Variants in CPOX observed in about 807,000 individuals in gnomAD.
CPOX encodes coproporphyrinogen oxidase, also known as oxygen-dependent coproporphyrinogen-III oxidase, mitochondrial.
CPOX carries 24 observed loss-of-function variants against 48.9 expected under a neutral mutation model. The observed-to-expected ratio is 0.49, with a 90% confidence interval of 0.36 to 0.69. The LOEUF is 0.69. CPOX is among the 30% of genes least tolerant of loss of function. The pLI is 0.00. For synonymous variants in CPOX, 249 were observed against 234.6 expected (o/e 1.06, Z -0.56); for missense variants, 549 against 597.3 (o/e 0.92, Z 0.84).
chr3:98,584,106 T>C (rs907048536), intron 5 of CPOX, among the ~76,000 whole-genome samples: 3 of 152,252 alleles, frequency 2.0e-5, no homozygotes, highest in African/African-American at 7.2e-5. Flanking sequence ...CTCCTGTCTA[T>C]GAAGTTTTAA....
chr3:98,586,754 C>T (rs1187419613), intron 4 of CPOX, among the ~76,000 whole-genome samples: 2 of 152,094 alleles, frequency 1.3e-5, no homozygotes, highest in South Asian at 2.1e-4. Flanking sequence ...ACCATCCTGG[C>T]TAACACGGTG....
chr3:98,590,375 C>CT (rs1476133601), intron 3 of CPOX: 47 of 478,100 alleles, frequency 9.8e-5, no homozygotes, highest in Middle Eastern at 6.1e-4. Flanking sequence ...TCTCAAACTC[C>CT]TAACCTCAGG....
At chr3:98,575,571 T>G (rs1410852125), downstream of CPOX, among the ~76,000 whole-genome samples, 1 of 146,900 alleles carries the variant, frequency 6.8e-6, no homozygotes, top group Non-Finnish European at 1.5e-5. Flanking sequence ...GGCAGGTGGA[T>G]TACCTGAGGC....
chr3:98,591,206 T>C, intron 1 of CPOX, 51 bp from the exon 2 acceptor site: 5 of 1,594,824 alleles, frequency 3.1e-6, no homozygotes, highest in Non-Finnish European at 4.3e-6. Context: ...TGTGCAAAAC[T>C]GAAAGCAACA....
Position 98,585,593 on chromosome 3 carries a change from A to C in CPOX, c.1020T>G (p.Asp340Glu). The C allele has an allele frequency of 6.2e-7, 1 of 1,614,146 alleles. No homozygotes were observed. The highest frequency in any genetic ancestry group is 8.5e-7 in the Non-Finnish European group (1 of 1,180,024). The change falls in exon 5 of 7, where the codon GAT becomes GAG. Residue 340 changes from aspartate (D) to glutamate (E), a missense_variant. Around this residue, in one of 2 missense-constraint regions of CPOX, gnomAD observed 213 missense variants for 279.1 expected, o/e 0.76. Coordinates refer to ENST00000647941, the MANE Select transcript of CPOX (RefSeq NM_000097.7). The stretch of plus-strand genomic sequence containing the variant: ...CCTCCTTGGACGGAGAGTCAAGATC[A>C]TCAAAAAAGATACCACCAATGCCCC... ...ERRGIGGIFF[D>E]DLDSPSKEEV...
downstream of CPOX, chr3:98,578,332 T>A: frequency 2.0e-6 from 1 of 490,836 alleles, no homozygotes; most frequent in Non-Finnish European, 2.6e-6. Context: ...TAAACACAAC[T>A]AAATAGGCTA....
chr3:98,591,155 C>T lies in CPOX; in HGVS notation c.557G>A (p.Gly186Glu). The T allele has an allele frequency of 1.2e-6, 2 of 1,614,090 alleles. No homozygotes were observed. The highest frequency in any genetic ancestry group is 1.7e-6 in the Non-Finnish European group (2 of 1,180,004). Residue 186 changes from glycine to glutamate, a missense_variant and splice_region_variant, in exon 2 of 7, where the codon GGA becomes GAA. Around this residue, in one of 2 missense-constraint regions of CPOX, gnomAD observed 336 missense variants for 318.1 expected, o/e 1.06. Transcript: ENST00000647941. The stretch of plus-strand genomic sequence containing the variant: ...AAGTACACAGCTGATGCCGCCACCT[C>T]CTGTGTATAGAAATGTAAAAAAGGA... ...FSVDRWERKE[G>E]GGGISCVLQD...
At position 98,593,141 on chromosome 3, in the gene CPOX, C is replaced by T. The variant is rs747379089; in HGVS notation, c.364G>A (p.Glu122Lys). 62 of 1,612,940 alleles carry T rather than the reference C, an allele frequency of 3.8e-5. No homozygotes were observed. In the South Asian group the frequency reaches 6.7e-4, roughly 17 times the overall value. Residue 122 changes from glutamate to lysine, a missense_variant, in exon 1 of 7, where the codon GAG becomes AAG. Physicochemically the swap from Glu to Lys is moderately conservative, Grantham distance 56. Coordinates refer to ENST00000647941, the MANE Select transcript of CPOX (RefSeq NM_000097.7). ...AAGCTGCTGCAGCGGTGGGCCAGCTCATCCTCCTCCTCCTCCGGCCTCCCC... is the reference window on the plus strand; with the variant it reads ...AAGCTGCTGCAGCGGTGGGCCAGCTTATCCTCCTCCTCCTCCGGCCTCCCC... ...SLGRPEEEED[E>K]LAHRCSSFMA...
At chr3:98,578,673 C>A (rs1707196270), downstream of CPOX, among the ~76,000 whole-genome samples, 1 of 152,154 alleles carries the variant, frequency 6.6e-6, no homozygotes, top group Admixed American at 6.5e-5. Flanking sequence ...TCTAGGTTTT[C>A]CTATAATGTA....
rs1158006243 is a variant in CPOX, at chr3:98,593,043, C to T, written c.462G>A (p.Leu154=). Residue 154 remains leucine (L), a synonymous_variant, in exon 1 of 7, where the codon CTG becomes CTA. Coordinates refer to ENST00000647941, the MANE Select transcript of CPOX (RefSeq NM_000097.7). ...RPGDMKTKME[L]LILETQAQVC... ...CCTGGGCCTGGGTCTCCAGAATCAG[C>T]AGCTCCATCTTGGTCTTCATGTCGC... The T allele has an allele frequency of 1.2e-6, 2 of 1,614,028 alleles. No individual in the cohort carries two copies. The highest frequency in any genetic ancestry group is 3.3e-4 in the Middle Eastern group (2 of 6,062).
chr3:98,571,715 GA>G, the CPOX span, among the ~76,000 whole-genome samples: 2 of 150,298 alleles, frequency 1.3e-5, no homozygotes, highest in Non-Finnish European at 3.0e-5. Flanking sequence ...AGAAAAAAAA[GA>G]AAACGCTGTA....
chr3:98,579,555 G>A lies in CPOX; in HGVS notation c.*1128C>T, dbSNP rs531771288. 20 of 985,308 alleles carry A rather than the reference G, an allele frequency of 2.0e-5. No homozygotes were observed. Among genetic ancestry groups the A allele is most frequent in the Middle Eastern group, 5.2e-4 (1 of 1,914 alleles). 61.0% of individuals were successfully genotyped at this position (985,308 alleles called of 1,614,324 possible). On this transcript the variant is annotated 3_prime_UTR_variant, in exon 7 of 7. Coordinates refer to ENST00000647941, the MANE Select transcript of CPOX (RefSeq NM_000097.7). ...CCACACAGAATCACAAACATTCAAC[G>A]TGTTCCACGATAATGATATGTATGA...
chr3:98,580,506 C>T lies in CPOX; in HGVS notation c.*177G>A. The T allele has an allele frequency of 6.9e-7, 1 of 1,449,664 alleles. No homozygotes were observed. Among genetic ancestry groups the T allele is most frequent in the South Asian group, 1.4e-5 (1 of 71,734 alleles). The allele number at this position is 1,449,664 out of a possible 1,614,324, so 89.8% of individuals were successfully genotyped here. A position where few individuals can be genotyped will look rare whatever the true frequency, so the allele number is the denominator to read the frequency against. ...TCAATTGACTCTGACAATCTGCCAT[C>T]TCACCATTCATCACTGACAGCATCC... On this transcript the variant is annotated 3_prime_UTR_variant, in exon 7 of 7. Transcript: ENST00000647941.
chr3:98,587,331 CAT>C (rs1707383191), intron 4 of CPOX, among the ~76,000 whole-genome samples: 1 of 152,002 alleles, frequency 6.6e-6, no homozygotes, highest in African/African-American at 2.4e-5. Flanking sequence ...CTCTTTAAAA[CAT>C]TACAAAATTA....
intron 4 of CPOX, chr3:98,585,896 G>A (rs966322389): frequency 3.0e-5 from 13 of 437,586 alleles, no homozygotes; most frequent in South Asian, 4.1e-5. Context: ...TTTTTGAGAC[G>A]GACTCTTGCT....
downstream of CPOX, among the ~76,000 whole-genome samples, chr3:98,577,579 A>G (rs891262309): frequency 5.3e-5 from 8 of 152,192 alleles, no homozygotes; most frequent in African/African-American, 1.7e-4. Context: ...GAGGTTTTGA[A>G]GATGACTGGG....
downstream of CPOX, chr3:98,579,378 G>T (rs1237015230): frequency 1.2e-5 from 6 of 509,620 alleles, no homozygotes; most frequent in Non-Finnish European, 1.5e-5. Flanking sequence ...GTTGTTCAAG[G>T]ATCAACTGTA....
At chr3:98,582,273 C>T (rs185776049) in intron 5 of CPOX, among the ~76,000 whole-genome samples, 1 of 152,202 alleles carries the variant, frequency 6.6e-6, no homozygotes, top group African/African-American at 2.4e-5. Flanking sequence ...CTCCCTCTCC[C>T]ATTTCAAAAG....
chr3:98,589,449 T>C (rs950211153), intron 3 of CPOX, among the ~76,000 whole-genome samples: 2 of 152,070 alleles, frequency 1.3e-5, no homozygotes, highest in African/African-American at 4.8e-5. Flanking sequence ...AGGAAGTGGA[T>C]TGCAACTCTG....
Sources: gnomAD v4.1 joint callset for allele counts (sites outside exome capture counted in the v4.1 genomes callset) on GRCh38, gnomAD v4.1.1 for gene constraint, gnomAD v4.1.1 regional missense constraint, MANE v1.5 for transcripts, NCBI Gene and HGNC (gene_info 2026-07-23, HGNC 2026-07-21) for gene names.